Variants in ATP8B4 observed in about 807,000 individuals in gnomAD.
The protein encoded by ATP8B4 is ATPase phospholipid transporting 8B4 (putative).
ATP8B4 carries 133 observed loss-of-function variants against 145.6 expected under a neutral mutation model. The observed-to-expected ratio is 0.91, with a 90% CI of 0.79 to 1.05. ATP8B4 has a LOEUF of 1.05. Among genes scored for constraint, ATP8B4 ranks in the 50% least tolerant of loss-of-function variants. ATP8B4 has a pLI of 0.00. For synonymous variants in ATP8B4, 507 were observed against 492.9 expected (o/e 1.03, Z -0.38); for missense variants, 1,458 against 1,425.2 (o/e 1.02, Z -0.37).
chr15:49,954,082 A>G (rs761252042), intron 14 of ATP8B4, among the ~76,000 whole-genome samples: 6 of 151,616 alleles, frequency 4.0e-5, no homozygotes, highest in Non-Finnish European at 7.4e-5. Context: ...GGCTTTTTTT[A>G]TGGGAGCCTC....
chr15:49,952,629 T>C (rs983749480), intron 14 of ATP8B4, among the ~76,000 whole-genome samples: 50 of 152,208 alleles, frequency 3.3e-4, no homozygotes, highest in African/African-American at 1.2e-3. Context: ...GTTCTTTGCA[T>C]TGGGTTAGAA....
In ATP8B4 at chr15:49,919,467, G is replaced by C. The variant is rs540529454; in HGVS notation, c.1924-517C>G. ...GAGTCTTGCTCTGTCGCCCAGGCTGGAGTGCAGTGGCGCGATCTCGGCTCA... is the reference window on the plus strand; with the variant it reads ...GAGTCTTGCTCTGTCGCCCAGGCTGCAGTGCAGTGGCGCGATCTCGGCTCA... On this transcript the variant is annotated intron_variant, in intron 18 of 27. Transcript: ENST00000284509. Among the ~76,000 whole-genome samples, 38 of 152,148 alleles carry C rather than the reference G, an allele frequency of 2.5e-4. 2 individuals are homozygous for C. In the South Asian group the frequency reaches 6.0e-3, roughly 24 times the overall value.
chr15:50,099,731 T>G (rs2056225696), intron 2 of ATP8B4, among the ~76,000 whole-genome samples: 1 of 152,170 alleles, frequency 6.6e-6, no homozygotes, highest in African/African-American at 2.4e-5. Flanking sequence ...GGCTAGACCT[T>G]TTTACATCTT....
chr15:49,975,209 A>T (rs1200151929), intron 12 of ATP8B4, among the ~76,000 whole-genome samples: 1 of 152,154 alleles, frequency 6.6e-6, no homozygotes, highest in East Asian at 1.9e-4. Context: ...AAGAAGGTCA[A>T]ATCTTTTTAG....
intron 5 of ATP8B4, among the ~76,000 whole-genome samples, chr15:50,040,352 C>T (rs2051179310): frequency 6.6e-6 from 1 of 152,200 alleles, no homozygotes; most frequent in South Asian, 2.1e-4. Flanking sequence ...TCCTTTGCCT[C>T]TTCAGGTCTA....
intron 17 of ATP8B4, among the ~76,000 whole-genome samples, chr15:49,922,735 T>C (rs1164079544): frequency 6.6e-6 from 1 of 152,182 alleles, no homozygotes; most frequent in Non-Finnish European, 1.5e-5. Flanking sequence ...CTCATATTAA[T>C]TCCCATTCCC....
At chr15:49,902,570 A>C (rs1292984925) in intron 20 of ATP8B4, among the ~76,000 whole-genome samples, 1 of 152,226 alleles carries the variant, frequency 6.6e-6, no homozygotes, top group Non-Finnish European at 1.5e-5. Context: ...ACATTTAACA[A>C]TCAGTTTGCA....
chr15:49,931,566 C>T (rs1162742278), intron 15 of ATP8B4, among the ~76,000 whole-genome samples: 1 of 152,052 alleles, frequency 6.6e-6, no homozygotes, highest in Non-Finnish European at 1.5e-5. Flanking sequence ...TGCCTCTTCA[C>T]TGTGCTCAGT....
Position 50,113,716 on chromosome 15 carries a change from G to A in ATP8B4, c.-43+5407C>T, listed in dbSNP as rs1474311066. The stretch of plus-strand genomic sequence containing the variant: ...TAGCTGGGCGTGGTGGCACATGCCT[G>A]TAATCCCAGCTACTCAGGAGGCTGA... On this transcript the variant is annotated intron_variant, in intron 1 of 27. Transcript: ENST00000284509. Among the ~76,000 whole-genome samples, 7 of 151,810 alleles carry A rather than the reference G, an allele frequency of 4.6e-5. No individual in the cohort carries two copies. In the East Asian group the frequency reaches 1.2e-3, roughly 25 times the overall value.
intron 3 of ATP8B4, among the ~76,000 whole-genome samples, chr15:50,073,842 A>AACCATAGGGATT (rs2054004321): frequency 6.6e-6 from 1 of 152,204 alleles, no homozygotes; most frequent in African/African-American, 2.4e-5. Flanking sequence ...TATGGATTCT[A>AACCATAGGGATT]CTAACCAAAT....
chr15:50,024,626 T>G (rs2049866888), intron 6 of ATP8B4, among the ~76,000 whole-genome samples: 1 of 152,230 alleles, frequency 6.6e-6, no homozygotes, highest in Non-Finnish European at 1.5e-5. Flanking sequence ...AAACGTCCAC[T>G]GCAAACCCCA....
At chr15:50,082,563 T>C (rs2153644024) in intron 2 of ATP8B4, among the ~76,000 whole-genome samples, 1 of 152,348 alleles carries the variant, frequency 6.6e-6, no homozygotes, top group South Asian at 2.1e-4. Context: ...GGGCTCACTA[T>C]AGCTTCACAA....
intron 18 of ATP8B4, among the ~76,000 whole-genome samples, chr15:49,919,645 C>T (rs1566989660): frequency 6.6e-6 from 1 of 152,046 alleles, no homozygotes; most frequent in African/African-American, 2.4e-5. Flanking sequence ...TCTCCATCTC[C>T]GGACCTCGTG....
chr15:50,087,157 A>G (rs1293671098), intron 2 of ATP8B4, among the ~76,000 whole-genome samples: 2 of 127,768 alleles, frequency 1.6e-5, no homozygotes, highest in Non-Finnish European at 3.1e-5. Context: ...TATATAATAT[A>G]TAGATCTCTA....
chr15:50,119,600 G>A (rs2057242199), upstream of ATP8B4: 1 of 152,186 alleles, frequency 6.6e-6, no homozygotes, highest in Non-Finnish European at 1.5e-5. Context: ...CAAGAATTCA[G>A]GAGGATGAAA....
At chr15:50,110,943 T>C (rs1466902791) in intron 1 of ATP8B4, among the ~76,000 whole-genome samples, 1 of 152,134 alleles carries the variant, frequency 6.6e-6, no homozygotes, top group Non-Finnish European at 1.5e-5. Context: ...GGGTGTTGAA[T>C]CTTGGTCACA....
At chr15:49,923,770 CT>C (rs1392621250) in intron 16 of ATP8B4, among the ~76,000 whole-genome samples, 10 of 152,102 alleles carry the variant, frequency 6.6e-5, no homozygotes, top group Non-Finnish European at 1.3e-4. Context: ...GTTTTCCTTG[CT>C]TACTATTTCT....
At chr15:50,166,849 G>A (rs2044604520) in intron 1 of ATP8B4, among the ~76,000 whole-genome samples, 1 of 152,172 alleles carries the variant, frequency 6.6e-6, no homozygotes, top group African/African-American at 2.4e-5. Flanking sequence ...ATGCATGGGG[G>A]GTTGGGGGTT....
chr15:49,904,576 T>C (rs74012836), intron 20 of ATP8B4, among the ~76,000 whole-genome samples: 9,930 of 152,212 alleles, frequency 0.065, 1,114 homozygotes, highest in African/African-American at 0.23. Flanking sequence ...AGGACCAAAA[T>C]GCATTTTGTT....
Sources: allele counts gnomAD v4.1 joint callset (sites outside exome capture counted in the v4.1 genomes callset), GRCh38; gene constraint gnomAD v4.1.1; transcripts MANE v1.5; gene names NCBI Gene and HGNC (gene_info 2026-07-23, HGNC 2026-07-21).